NUDCD3: variants seen among roughly 807,000 people sequenced by gnomAD.
NUDCD3 encodes the protein NudC domain containing 3.
NUDCD3 carries 13 observed loss-of-function variants against 39.7 expected under a neutral mutation model. The observed-to-expected ratio is 0.33, with a 90% CI of 0.21 to 0.52. The LOEUF (loss-of-function observed/expected upper bound fraction) is 0.52, where lower values mean the gene tolerates loss of function less well. NUDCD3 is among the 20% of genes least tolerant of loss of function. The pLI is 0.96. For synonymous variants in NUDCD3, 175 were observed against 172.4 expected (o/e 1.02, Z -0.12); for missense variants, 453 against 458.1 (o/e 0.99, Z 0.10).
chr7:44,426,718 C>A (rs1799242914), intron 3 of NUDCD3, among the ~76,000 whole-genome samples: 1 of 150,860 alleles, frequency 6.6e-6, no homozygotes, highest in Non-Finnish European at 1.5e-5. Context: ...ATGGCGTGAA[C>A]CCGGGAGGCG....
intron 2 of NUDCD3, among the ~76,000 whole-genome samples, chr7:44,480,496 T>A (rs1196599046): frequency 2.0e-5 from 3 of 152,178 alleles, no homozygotes; most frequent in Admixed American, 6.5e-5. Context: ...TCACTTAACA[T>A]TATATCATGA....
chr7:44,386,462 G>A (rs1051458841), intron 5 of NUDCD3, among the ~76,000 whole-genome samples: 8 of 152,098 alleles, frequency 5.3e-5, no homozygotes, highest in African/African-American at 1.9e-4. Context: ...AACATCTATG[G>A]TCCCACCAGG....
chr7:44,452,170 C>T (rs918049477), intron 2 of NUDCD3, among the ~76,000 whole-genome samples: 1 of 152,234 alleles, frequency 6.6e-6, no homozygotes, highest in Admixed American at 6.5e-5. Flanking sequence ...TGGCCAGACA[C>T]AGTGGCTCAC....
chr7:44,392,152 G>C (rs1252907996), intron 5 of NUDCD3, 145 bp downstream of exon 5: 3 of 712,218 alleles, frequency 4.2e-6, no homozygotes, highest in Non-Finnish European at 7.0e-6. Context: ...GGTAAGACAG[G>C]TTCCTTGCTA....
At chr7:44,397,731 G>A (rs1270193597) in intron 4 of NUDCD3, among the ~76,000 whole-genome samples, 4 of 152,150 alleles carry the variant, frequency 2.6e-5, no homozygotes, top group African/African-American at 9.7e-5. Context: ...TATGCTGTAT[G>A]TATAATATAT....
Position 44,485,576 on chromosome 7 carries a change from G to C in NUDCD3, c.193-292C>G, listed in dbSNP as rs200568594. Reference sequence around the variant, plus strand: ...TGGTCTTTGTTGTCATTATTTTACAGACCCCAGTCTTGTTCACAATGCAAA... The same window carrying C: ...TGGTCTTTGTTGTCATTATTTTACACACCCCAGTCTTGTTCACAATGCAAA... On this transcript the variant is annotated intron_variant, in intron 1 of 5. Transcript: ENST00000355451. 8 of 306,974 alleles carry C rather than the reference G, an allele frequency of 2.6e-5. No individual in the cohort carries two copies. In the East Asian group the frequency reaches 5.0e-4, roughly 19 times the overall value. The allele number at this position is 306,974 out of a possible 1,614,324, so 19.0% of individuals were successfully genotyped here.
chr7:44,404,364 G>T, intron 4 of NUDCD3, 76 bp downstream of exon 4: 2 of 1,457,968 alleles, frequency 1.4e-6, no homozygotes, highest in Non-Finnish European at 9.5e-7. Flanking sequence ...GTGTAAATAG[G>T]CTTGTTGGTC....
chr7:44,489,379 G>A (rs1321423755), intron 1 of NUDCD3, among the ~76,000 whole-genome samples: 1 of 152,162 alleles, frequency 6.6e-6, no homozygotes, highest in African/African-American at 2.4e-5. Flanking sequence ...TATTACCCTG[G>A]TAGCTACCAA....
At chr7:44,407,538 C>A (rs1396622227) in intron 3 of NUDCD3, among the ~76,000 whole-genome samples, 2 of 146,184 alleles carry the variant, frequency 1.4e-5, no homozygotes, top group Non-Finnish European at 3.0e-5. Flanking sequence ...GCAACAGGAG[C>A]CTGAGCAACA....
At chr7:44,405,922 G>T (rs895843728) in intron 3 of NUDCD3, among the ~76,000 whole-genome samples, 1 of 151,984 alleles carries the variant, frequency 6.6e-6, no homozygotes, top group African/African-American at 2.4e-5. Flanking sequence ...TCAGCCTCCC[G>T]AGTAACTGGG....
chr7:44,394,927 T>A (rs539888546), intron 4 of NUDCD3, among the ~76,000 whole-genome samples: 111 of 152,312 alleles, frequency 7.3e-4, no homozygotes, highest in Non-Finnish European at 1.2e-3. Context: ...GAGATGGACC[T>A]GAAGACAATG....
intron 3 of NUDCD3, among the ~76,000 whole-genome samples, chr7:44,409,027 G>C (rs747104526): frequency 3.9e-5 from 6 of 152,208 alleles, no homozygotes; most frequent in African/African-American, 7.2e-5. Context: ...TAACTTTGCA[G>C]CCTCCTGAGG....
At chr7:44,444,676 C>T (rs769931760) in intron 2 of NUDCD3, among the ~76,000 whole-genome samples, 4 of 152,144 alleles carry the variant, frequency 2.6e-5, no homozygotes, top group Admixed American at 6.5e-5. Flanking sequence ...GTCCTGTAGG[C>T]CTGGGAGAAG....
rs1165675735 is a variant in NUDCD3, at chr7:44,380,340, AAC to A, written c.*5669_*5670del. The A allele has an allele frequency of 6.6e-6, 1 of 152,304 alleles. No individual in the cohort carries two copies. The highest frequency in any genetic ancestry group is 2.4e-5 in the African/African-American group (1 of 41,436). The allele number at this position is 152,304 out of a possible 1,614,324, so 9.4% of individuals were successfully genotyped here. ...AGCCTCATTGAGACAGCCCTAGACT[AAC>A]AGTCACCCATATTGAGCCCAAGCCC... On this transcript the variant is annotated 3_prime_UTR_variant, in exon 6 of 6. Coordinates refer to ENST00000355451, the MANE Select transcript of NUDCD3 (RefSeq NM_015332.4).
At chr7:44,476,744 G>A (rs890969934) in intron 2 of NUDCD3, among the ~76,000 whole-genome samples, 2 of 152,214 alleles carry the variant, frequency 1.3e-5, no homozygotes, top group Admixed American at 6.5e-5. Flanking sequence ...GCACCAGGAA[G>A]TGAGAAAGGC....
intron 4 of NUDCD3, among the ~76,000 whole-genome samples, chr7:44,394,922 G>A (rs1798595664): frequency 6.6e-6 from 1 of 152,184 alleles, no homozygotes; most frequent in African/African-American, 2.4e-5. Context: ...AGTGGGAGAT[G>A]GACCTGAAGA....
intron 2 of NUDCD3, among the ~76,000 whole-genome samples, chr7:44,453,100 C>T (rs1030813049): frequency 1.3e-5 from 2 of 152,160 alleles, no homozygotes; most frequent in African/African-American, 4.8e-5. Flanking sequence ...CGCCTGTAAT[C>T]CCAGCACTTT....
intron 4 of NUDCD3, among the ~76,000 whole-genome samples, chr7:44,394,448 GA>G (rs1173647646): frequency 6.6e-6 from 1 of 152,186 alleles, no homozygotes; most frequent in African/African-American, 2.4e-5. Context: ...CTGATGCAAT[GA>G]AAACCTTCCA....
chr7:44,436,129 A>G (rs1489919788), intron 2 of NUDCD3, among the ~76,000 whole-genome samples: 1 of 152,234 alleles, frequency 6.6e-6, no homozygotes, highest in African/African-American at 2.4e-5. Flanking sequence ...TTTTGAGACA[A>G]TCAGGAAAAT....
Sources: gnomAD v4.1 joint callset for allele counts (sites outside exome capture counted in the v4.1 genomes callset) on GRCh38, gnomAD v4.1.1 for gene constraint, MANE v1.5 for transcripts, NCBI Gene and HGNC (gene_info 2026-07-23, HGNC 2026-07-21) for gene names.